The following RIMS2 variants were observed in gnomAD, a reference collection of about 807,000 sequenced individuals.
RIMS2 encodes the protein regulating synaptic membrane exocytosis protein 2.
In RIMS2, 59 loss-of-function variants were observed where a neutral mutation model predicts 174.4. The ratio of observed to expected loss-of-function variants is 0.34; its 90% CI spans 0.27 to 0.42. The LOEUF (loss-of-function observed/expected upper bound fraction) is 0.42, where lower values mean the gene tolerates loss of function less well. Among genes scored for constraint, RIMS2 ranks in the 10% least tolerant of loss-of-function variants. The pLI, the probability that RIMS2 is intolerant of heterozygous loss-of-function variation, is 1.00. For missense variants in RIMS2, 1,620 were observed against 1,666.3 expected (o/e 0.97, Z 0.48); for synonymous variants, 606 against 572.5 (o/e 1.06, Z -0.84).
chr8:103,579,423 A>G (rs1009306705), intron 1 of RIMS2, among the ~76,000 whole-genome samples: 1 of 152,196 alleles, frequency 6.6e-6, no homozygotes, highest in African/African-American at 2.4e-5. Flanking sequence ...CCAGAATAAT[A>G]GTGTAATTAC....
At chr8:104,223,808 C>G in intron 19 of RIMS2, 1 of 1,590,510 alleles carries the variant, frequency 6.3e-7, no homozygotes, top group Non-Finnish European at 8.5e-7. Flanking sequence ...GACACCCCTT[C>G]CCCCGTAGTT....
At chr8:103,860,804 C>A (rs1467689495) in intron 3 of RIMS2, among the ~76,000 whole-genome samples, 1 of 151,158 alleles carries the variant, frequency 6.6e-6, no homozygotes, top group Non-Finnish European at 1.5e-5. Flanking sequence ...TTTTTCCCTA[C>A]AAAATAATTT....
At chr8:103,820,226 T>A (rs949510715) in intron 3 of RIMS2, among the ~76,000 whole-genome samples, 8 of 152,094 alleles carry the variant, frequency 5.3e-5, no homozygotes, top group African/African-American at 1.9e-4. Flanking sequence ...TGTTAAATTA[T>A]GAACATATCT....
chr8:104,175,291 T>G (rs1197271481), intron 19 of RIMS2, among the ~76,000 whole-genome samples: 1 of 152,188 alleles, frequency 6.6e-6, no homozygotes, highest in Admixed American at 6.5e-5. Context: ...AATTTCCTGT[T>G]AACTTTAAAA....
intron 19 of RIMS2, among the ~76,000 whole-genome samples, chr8:104,123,501 T>C (rs2098402427): frequency 3.3e-5 from 5 of 152,062 alleles, no homozygotes; most frequent in Admixed American, 3.3e-4. Flanking sequence ...AATTTTTGAT[T>C]ATGTGCATCA....
At chr8:103,531,441 T>C (rs1029990991) in intron 1 of RIMS2, among the ~76,000 whole-genome samples, 1 of 152,182 alleles carries the variant, frequency 6.6e-6, no homozygotes, top group Non-Finnish European at 1.5e-5. Flanking sequence ...AATTAAAAAG[T>C]ATTTTTACTT....
intron 1 of RIMS2, among the ~76,000 whole-genome samples, chr8:103,562,258 C>T (rs1241444315): frequency 6.6e-6 from 1 of 152,208 alleles, no homozygotes; most frequent in Non-Finnish European, 1.5e-5. Flanking sequence ...TGAGACAAGG[C>T]AGTCCCTTCT....
chr8:104,158,609 A>T (rs2098740543), intron 19 of RIMS2, among the ~76,000 whole-genome samples: 1 of 152,138 alleles, frequency 6.6e-6, no homozygotes, highest in Non-Finnish European at 1.5e-5. Context: ...GTGAGATGGT[A>T]TCTCTTTGTG....
intron 3 of RIMS2, chr8:103,880,805 C>T (rs917742794): frequency 2.1e-5 from 8 of 374,362 alleles, no homozygotes; most frequent in East Asian, 1.5e-4. Context: ...ATTATAGAAA[C>T]GGGCCTTTGT....
At chr8:103,907,929 T>A (rs1384454173) in intron 4 of RIMS2, among the ~76,000 whole-genome samples, 3 of 151,480 alleles carry the variant, frequency 2.0e-5, no homozygotes, top group Admixed American at 2.0e-4. Flanking sequence ...GTATTTTTTT[T>A]AGTAGAGACG....
intron 1 of RIMS2, among the ~76,000 whole-genome samples, chr8:103,632,052 G>C (rs1259966955): frequency 6.6e-6 from 1 of 152,130 alleles, no homozygotes; most frequent in Non-Finnish European, 1.5e-5. Flanking sequence ...TCTAGGTGTG[G>C]AATAATATAG....
At chr8:104,218,346 T>C (rs1220780945) in intron 19 of RIMS2, among the ~76,000 whole-genome samples, 1 of 152,164 alleles carries the variant, frequency 6.6e-6, no homozygotes. Flanking sequence ...TTCTCTTCCC[T>C]TCCCTTGGTA....
intron 19 of RIMS2, among the ~76,000 whole-genome samples, chr8:104,242,485 T>C (rs561947844): frequency 6.6e-6 from 1 of 152,336 alleles, no homozygotes; most frequent in Non-Finnish European, 1.5e-5. Flanking sequence ...AAACAAGAAG[T>C]TCAAGTACAC....
chr8:103,793,830 T>C (rs201720923), intron 3 of RIMS2, among the ~76,000 whole-genome samples: 5 of 152,064 alleles, frequency 3.3e-5, no homozygotes, highest in African/African-American at 7.2e-5. Context: ...CTCCCATTCA[T>C]AATTACTACA....
intron 3 of RIMS2, among the ~76,000 whole-genome samples, chr8:103,818,535 C>T (rs2098732358): frequency 6.6e-6 from 1 of 152,122 alleles, no homozygotes; most frequent in Non-Finnish European, 1.5e-5. Flanking sequence ...GCTATGACCA[C>T]CATTATTGAA....
At chr8:103,816,104 A>T (rs1202741560) in intron 3 of RIMS2, among the ~76,000 whole-genome samples, 2 of 152,222 alleles carry the variant, frequency 1.3e-5, no homozygotes, top group African/African-American at 4.8e-5. Context: ...CACGTTATCT[A>T]TAAACATTCT....
intron 19 of RIMS2, among the ~76,000 whole-genome samples, chr8:104,159,740 T>A (rs143353365): frequency 6.6e-6 from 1 of 152,216 alleles, no homozygotes; most frequent in African/African-American, 2.4e-5. Flanking sequence ...GAACACTGTT[T>A]ATTGGAGACC....
chr8:104,181,817 C>T (rs932685133), intron 19 of RIMS2, among the ~76,000 whole-genome samples: 7 of 151,420 alleles, frequency 4.6e-5, no homozygotes, highest in Admixed American at 1.3e-4. Context: ...TTATGTACTT[C>T]GACATTTATA....
chr8:103,870,480 C>T (rs1320406557), intron 3 of RIMS2, among the ~76,000 whole-genome samples: 1 of 151,880 alleles, frequency 6.6e-6, no homozygotes, highest in Non-Finnish European at 1.5e-5. Context: ...AGCCCTCATA[C>T]CCATTATAGA....
Sources: gnomAD v4.1 joint callset for allele counts (sites outside exome capture counted in the v4.1 genomes callset) on GRCh38, gnomAD v4.1.1 for gene constraint, MANE v1.5 for transcripts, NCBI Gene and HGNC (gene_info 2026-07-23, HGNC 2026-07-21) for gene names.